MALRD1: variants seen among roughly 807,000 people sequenced by gnomAD.
The protein encoded by MALRD1 is MAM and LDL-receptor class A domain-containing protein 1.
A neutral mutation model predicts 242.1 loss-of-function variants in MALRD1; 247 were observed. That is an observed-to-expected ratio of 1.02 (90% CI 0.92 to 1.13). MALRD1 has a LOEUF of 1.13. MALRD1 is among the 50% of genes most tolerant of loss of function. MALRD1 has a pLI of 0.00. For missense variants in MALRD1, 2,989 were observed against 2,533.1 expected (o/e 1.18, Z -3.86); for synonymous variants, 995 against 866.6 (o/e 1.15, Z -2.60).
Position 19,128,228 on chromosome 10 carries a change from T to G in MALRD1, c.951T>G (p.Tyr317Ter). 8.1e-7 allele frequency: 1 copy of G among 1,233,436 alleles called. No homozygotes were observed. The highest frequency in any genetic ancestry group is 1.0e-6 in the Non-Finnish European group (1 of 987,766). 76.4% of individuals were successfully genotyped at this position (1,233,436 alleles called of 1,614,324 possible). Residue 317 changes from tyrosine to a stop codon, truncating the protein, a stop_gained, in exon 8 of 40, where the codon TAT becomes TAG. Transcript: ENST00000454679. LOFTEE classifies it high-confidence loss of function. ...TTTTCTTTTATCTTTCAGGTTATTA[T>G]GTATGGGTAGGCGCTAAGCATGGTT... ...QDQGGDDEGY[Y>*]VWVGAKHGFT... is the part of the protein sequence containing the mutation.
At position 19,310,110 on chromosome 10, in the gene MALRD1, G is replaced by A. The variant is rs957695884; in HGVS notation, c.3420-13839G>A. 1.6e-4 allele frequency among the ~76,000 whole-genome samples: 25 copies of A among 151,566 alleles called. No homozygotes were observed. In the East Asian group the frequency reaches 4.9e-3, roughly 30 times the overall value. On this transcript the variant is annotated intron_variant, in intron 21 of 39. Coordinates refer to ENST00000454679, the MANE Select transcript of MALRD1 (RefSeq NM_001142308.3). ...TCACACAGGCCAAATCTAATTCAAG[G>A]TCAGAAGGCTAATGGAACCTTTACT...
chr10:19,338,623 T>C (rs931950668), intron 24 of MALRD1, among the ~76,000 whole-genome samples: 1 of 151,964 alleles, frequency 6.6e-6, no homozygotes, highest in African/African-American at 2.4e-5. Context: ...AGCCAAACCA[T>C]ATAATAGTAG....
intron 24 of MALRD1, among the ~76,000 whole-genome samples, chr10:19,342,465 C>G (rs1843929583): frequency 6.6e-6 from 1 of 152,106 alleles, no homozygotes; most frequent in Non-Finnish European, 1.5e-5. Flanking sequence ...AATTGTGGAG[C>G]TTCTTGTCTA....
chr10:19,660,656 G>A (rs558159855), intron 36 of MALRD1, among the ~76,000 whole-genome samples: 3 of 152,250 alleles, frequency 2.0e-5, no homozygotes, highest in Admixed American at 6.5e-5. Flanking sequence ...TCACTTGAAA[G>A]CATGGAATAT....
chr10:19,547,092 G>A (rs1835238906), intron 32 of MALRD1, among the ~76,000 whole-genome samples: 1 of 152,132 alleles, frequency 6.6e-6, no homozygotes, highest in Non-Finnish European at 1.5e-5. Context: ...AAGCCTCTAA[G>A]TGTCGGGCTA....
chr10:19,619,076 A>G (rs1334823788), intron 36 of MALRD1, among the ~76,000 whole-genome samples: 1 of 152,070 alleles, frequency 6.6e-6, no homozygotes, highest in East Asian at 1.9e-4. Flanking sequence ...TTCAGATTTT[A>G]TTTGGTTATC....
chr10:19,664,983 T>A (rs1042131800), intron 36 of MALRD1, among the ~76,000 whole-genome samples: 1 of 152,100 alleles, frequency 6.6e-6, no homozygotes, highest in African/African-American at 2.4e-5. Flanking sequence ...CAAGAGACAC[T>A]TATTAAGATT....
chr10:19,327,721 T>C (rs1253391708), intron 23 of MALRD1, 48 bp downstream of exon 23: 1 of 1,385,820 alleles, frequency 7.2e-7, no homozygotes, highest in Non-Finnish European at 1.0e-6. Flanking sequence ...GCTGATTTTT[T>C]TCATCCTCAT....
chr10:19,560,958 TAA>T (rs1253709108), intron 32 of MALRD1, among the ~76,000 whole-genome samples: 1 of 151,814 alleles, frequency 6.6e-6, no homozygotes, highest in Non-Finnish European at 1.5e-5. Context: ...TAAAGTATAA[TAA>T]AAAAATGATA....
Position 19,123,537 on chromosome 10 carries a change from T to C in MALRD1, c.740T>C (p.Leu247Pro), listed in dbSNP as rs1314851234. ...GAAGCATTGAATGCTGAGCGGGAGCTATGCCATCCAGATACAGATCTCTGC... is the reference window on the plus strand; with the variant it reads ...GAAGCATTGAATGCTGAGCGGGAGCCATGCCATCCAGATACAGATCTCTGC... ...CQEALNAERE[L>P]CHPDTDLCRF... is the part of the protein sequence containing the mutation. The change falls in exon 6 of 40, where the codon CTA becomes CCA. Residue 247 changes from leucine to proline, a missense_variant. Transcript: ENST00000454679. 1 of 1,233,826 alleles carries C rather than the reference T, an allele frequency of 8.1e-7. No individual in the cohort carries two copies. Among genetic ancestry groups the C allele is most frequent in the East Asian group, 3.2e-5 (1 of 31,710 alleles). 76.4% of individuals were successfully genotyped at this position (1,233,826 alleles called of 1,614,324 possible). A position where few individuals can be genotyped will look rare whatever the true frequency, so the allele number is the denominator to read the frequency against.
intron 19 of MALRD1, among the ~76,000 whole-genome samples, chr10:19,275,565 T>A (rs1006449562): frequency 9.2e-5 from 14 of 151,970 alleles, no homozygotes; most frequent in Non-Finnish European, 1.3e-4. Flanking sequence ...ACTACTCAGG[T>A]GGCTGAGGCA....
At chr10:19,212,083 C>G (rs1474728597) in intron 18 of MALRD1, among the ~76,000 whole-genome samples, 1 of 152,174 alleles carries the variant, frequency 6.6e-6, no homozygotes, top group Non-Finnish European at 1.5e-5. Flanking sequence ...CATGAAACTT[C>G]AGTTCAATCT....
rs144906664 is a variant in MALRD1, at chr10:19,264,686, C to T, written c.3079+6915C>T. On this transcript the variant is annotated intron_variant, in intron 19 of 39. Coordinates refer to ENST00000454679, the MANE Select transcript of MALRD1 (RefSeq NM_001142308.3). ...GCCAGGATGGTCTCGATCTCCTGGC[C>T]TCGTTATCCGCCTGCCTCGGCCTCT... 8.6e-3 allele frequency among the ~76,000 whole-genome samples: 1,309 copies of T among 152,226 alleles called. 14 individuals carry two copies. Among genetic ancestry groups the T allele is most frequent in the African/African-American group, 0.03 (1,241 of 41,544 alleles).
chr10:19,190,620 A>G (rs146265444), intron 14 of MALRD1, among the ~76,000 whole-genome samples: 1 of 151,742 alleles, frequency 6.6e-6, no homozygotes, highest in Non-Finnish European at 1.5e-5. Flanking sequence ...AATAGATTAC[A>G]GAGTCCAGAA....
intron 36 of MALRD1, among the ~76,000 whole-genome samples, chr10:19,679,744 A>G (rs1842287653): frequency 6.6e-6 from 1 of 151,618 alleles, no homozygotes; most frequent in African/African-American, 2.4e-5. Context: ...GTTTGATGTT[A>G]GGATGTCAAT....
At chr10:19,361,979 T>C (rs1844914448) in intron 26 of MALRD1, among the ~76,000 whole-genome samples, 1 of 152,126 alleles carries the variant, frequency 6.6e-6, no homozygotes, top group African/African-American at 2.4e-5. Context: ...ATTTTACTTA[T>C]AGGACCCTTC....
intron 28 of MALRD1, among the ~76,000 whole-genome samples, chr10:19,437,658 T>A (rs2483087): frequency 0.72 from 108,841 of 151,884 alleles, 39,135 homozygotes; most frequent in Non-Finnish European, 0.75. Flanking sequence ...AATAATAAAT[T>A]TTATTTGAAT....
upstream of MALRD1, among the ~76,000 whole-genome samples, chr10:19,047,417 G>A (rs528388641): frequency 1.9e-3 from 281 of 151,812 alleles, no homozygotes; most frequent in Non-Finnish European, 3.2e-3. Context: ...TGCATATCAG[G>A]ATTGTAGAAG....
At chr10:19,156,464 T>A (rs1318850252) in intron 12 of MALRD1, among the ~76,000 whole-genome samples, 1 of 25,690 alleles carries the variant, frequency 3.9e-5, no homozygotes, top group Admixed American at 3.4e-4. Context: ...TATAGAGCGT[T>A]TTTTTTTTTT....
Sources: allele counts gnomAD v4.1 joint callset (sites outside exome capture counted in the v4.1 genomes callset), GRCh38; gene constraint gnomAD v4.1.1; transcripts MANE v1.5; gene names NCBI Gene and HGNC (gene_info 2026-07-23, HGNC 2026-07-21).